The following SAMD4A variants were observed in gnomAD, a reference collection of about 807,000 sequenced individuals.
The protein encoded by SAMD4A is sterile alpha motif domain containing 4A.
In SAMD4A, 33 loss-of-function variants were observed where a neutral mutation model predicts 81.3. That is an observed-to-expected ratio of 0.41 (90% CI 0.31 to 0.54). The LOEUF (loss-of-function observed/expected upper bound fraction) is 0.54, where lower values mean the gene tolerates loss of function less well. SAMD4A is among the 20% of genes least tolerant of loss of function. The pLI is 0.37. For synonymous variants in SAMD4A, 389 were observed against 382.1 expected, an observed-to-expected ratio of 1.02 and a Z score of -0.21; for missense variants, 854 against 951.1, an observed-to-expected ratio of 0.90 and a Z score of 1.34.
rs1053271797 is a variant in SAMD4A at position 54,760,372 on chromosome 14, C to G, written c.1388C>G (p.Pro463Arg). The change falls in exon 7 of 13, where the codon CCC (proline) becomes CGC (arginine). Residue 463 changes from proline to arginine, a missense_variant. Physicochemically the swap from Pro to Arg is moderately radical, Grantham distance 103. Coordinates refer to ENST00000554335, the MANE Select transcript of SAMD4A (RefSeq NM_015589.6). Reference protein sequence around the residue: ...GAAATGATATPSAGASGGLQP... With the variant: ...GAAATGATATRSAGASGGLQP... The stretch of plus-strand genomic sequence containing the variant: ...GCAGCCACTGGCGCCACGGCCACCC[C>G]CTCGGCCGGGGCCAGCGGGGGGCTC... The G allele has an allele frequency of 6.4e-7, 1 of 1,555,208 alleles. No individual in the cohort carries two copies. Among genetic ancestry groups the G allele is most frequent in the Non-Finnish European group, 8.6e-7 (1 of 1,159,990 alleles).
intron 2 of SAMD4A, among the ~76,000 whole-genome samples, chr14:54,635,134 C>T (rs1313233725): frequency 6.6e-6 from 1 of 152,136 alleles, no homozygotes; most frequent in East Asian, 1.9e-4. Flanking sequence ...AATCTCAAAA[C>T]TTATCCAGCT....
chr14:54,580,375 GT>G (rs2033429444), intron 2 of SAMD4A, among the ~76,000 whole-genome samples: 1 of 152,196 alleles, frequency 6.6e-6, no homozygotes, highest in African/African-American at 2.4e-5. Context: ...ATAAAGCACA[GT>G]TTGTTTGGAT....
intron 2 of SAMD4A, among the ~76,000 whole-genome samples, chr14:54,581,930 C>T (rs1259399312): frequency 6.6e-6 from 1 of 152,124 alleles, no homozygotes; most frequent in East Asian, 1.9e-4. Flanking sequence ...ACTGAACAAG[C>T]GTTCGTTGGA....
chr14:54,741,433 TG>T (rs2037841044), intron 4 of SAMD4A, among the ~76,000 whole-genome samples: 1 of 152,152 alleles, frequency 6.6e-6, no homozygotes, highest in African/African-American at 2.4e-5. Flanking sequence ...CTGCATTATA[TG>T]GGAGGAAAGA....
At chr14:54,784,383 T>C (rs1377178734) in intron 11 of SAMD4A, 154 bp from the exon 12 acceptor site, 2 of 1,572,500 alleles carry the variant, frequency 1.3e-6, no homozygotes, top group East Asian at 2.3e-5. Flanking sequence ...ACCTTAGAGG[T>C]TGGTTGAGCC....
At chr14:54,666,527 A>C in intron 2 of SAMD4A, among the ~76,000 whole-genome samples, 1 of 152,164 alleles carries the variant, frequency 6.6e-6, no homozygotes, top group East Asian at 1.9e-4. Flanking sequence ...GGTTGAATAA[A>C]TCCGAGTATA....
chr14:54,742,884 GC>G (rs1566614787), intron 4 of SAMD4A, among the ~76,000 whole-genome samples: 1 of 152,224 alleles, frequency 6.6e-6, no homozygotes, highest in Non-Finnish European at 1.5e-5. Context: ...TATGTTGTTT[GC>G]CTTTTCTAAG....
intron 2 of SAMD4A, among the ~76,000 whole-genome samples, chr14:54,613,945 C>T (rs753950964): frequency 1.3e-5 from 2 of 152,226 alleles, no homozygotes; most frequent in Non-Finnish European, 2.9e-5. Flanking sequence ...TTCCATGTCG[C>T]AAGTAACCTT....
At chr14:54,712,324 G>GA (rs2037010326) in intron 3 of SAMD4A, among the ~76,000 whole-genome samples, 1 of 152,052 alleles carries the variant, frequency 6.6e-6, no homozygotes, top group African/African-American at 2.4e-5. Context: ...GCATGTAACT[G>GA]AAAAATTCCA....
At chr14:54,788,772 T>C (rs2039204687) in intron 12 of SAMD4A, 144 bp from the exon 13 acceptor site, 1 of 919,696 alleles carries the variant, frequency 1.1e-6, no homozygotes, top group Non-Finnish European at 1.7e-6. Context: ...TGGGTGGGTA[T>C]GTAAATGCGT....
intron 2 of SAMD4A, chr14:54,687,449 C>T (rs1402589573): frequency 4.8e-6 from 2 of 416,918 alleles, no homozygotes; most frequent in Non-Finnish European, 9.4e-6. Context: ...GAAATAAAAA[C>T]AAACAAAAAA....
At chr14:54,732,728 TG>T (rs1439962969) in intron 3 of SAMD4A, among the ~76,000 whole-genome samples, 1 of 152,198 alleles carries the variant, frequency 6.6e-6, no homozygotes, top group African/African-American at 2.4e-5. Flanking sequence ...CTTTTCTCCT[TG>T]ACAGTGAGGT....
chr14:54,790,672 T>TTGTGTGTGTGTG lies in SAMD4A; in HGVS notation c.*1753_*1764dup, dbSNP rs370482381. The stretch of plus-strand genomic sequence containing the variant: ...TTACATGGATGAGTCGGGTGCCTGG[T>TTGTGTGTGTGTG]TGTGTGTGTGTGTGTGTGTGTGTGT... On this transcript the variant is annotated 3_prime_UTR_variant, in exon 13 of 13. Transcript: ENST00000554335. 5.9e-4 allele frequency: 84 copies of TTGTGTGTGTGTG among 142,014 alleles called. 1 individual carries two copies. The highest frequency in any genetic ancestry group is 7.2e-3 in the Middle Eastern group (2 of 278). The allele number at this position is 142,014 out of a possible 1,614,324, so 8.8% of individuals were successfully genotyped here.
At position 54,702,345 on chromosome 14, in the gene SAMD4A, C is replaced by T. The variant is rs935820073; in HGVS notation, c.480C>T (p.Gly160=). ...ACCGCACGTCGACCAGCTTTGGTGGCCAGAACCGAGGCCGCTCAGACTCTG... is the reference window on the plus strand; with the variant it reads ...ACCGCACGTCGACCAGCTTTGGTGGTCAGAACCGAGGCCGCTCAGACTCTG... The part of the protein sequence containing the change: ...LEDRTSTSFG[G]QNRGRSDSVD... The change falls in exon 3 of 13, where the codon GGC becomes GGT. Residue 160 remains glycine, a synonymous_variant. Coordinates refer to ENST00000554335, the MANE Select transcript of SAMD4A (RefSeq NM_015589.6). 1.2e-6 allele frequency: 2 copies of T among 1,614,122 alleles called. No individual in the cohort carries two copies. The highest frequency in any genetic ancestry group is 1.7e-6 in the Non-Finnish European group (2 of 1,180,010).
At chr14:54,588,555 C>T (rs1298693017) in intron 2 of SAMD4A, among the ~76,000 whole-genome samples, 1 of 151,974 alleles carries the variant, frequency 6.6e-6, no homozygotes, top group East Asian at 1.9e-4. Context: ...AAAGATTGGG[C>T]CAATGAGTGC....
intron 2 of SAMD4A, among the ~76,000 whole-genome samples, chr14:54,672,285 C>T (rs1465437581): frequency 6.6e-6 from 1 of 151,922 alleles, no homozygotes; most frequent in African/African-American, 2.4e-5. Context: ...GCCTGTCAGC[C>T]ACTTAAATGC....
At chr14:54,672,046 G>GGT (rs1275555888) in intron 2 of SAMD4A, among the ~76,000 whole-genome samples, 2 of 142,500 alleles carry the variant, frequency 1.4e-5, no homozygotes, top group Admixed American at 7.1e-5. Context: ...TTTTCTTCAG[G>GGT]GTATAGTCAG....
At chr14:54,647,113 T>C (rs1386898798) in intron 2 of SAMD4A, among the ~76,000 whole-genome samples, 2 of 152,260 alleles carry the variant, frequency 1.3e-5, no homozygotes, top group African/African-American at 4.8e-5. Context: ...ACTTAACATT[T>C]GGGATACCTT....
At chr14:54,670,541 C>T (rs74049547) in intron 2 of SAMD4A, among the ~76,000 whole-genome samples, 2,273 of 152,268 alleles carry the variant, frequency 0.015, 52 homozygotes, top group African/African-American at 0.052. Flanking sequence ...CTTTTGACCT[C>T]GGCCAAATGA....
Sources: gnomAD v4.1 joint callset for allele counts (sites outside exome capture counted in the v4.1 genomes callset) on GRCh38, gnomAD v4.1.1 for gene constraint, MANE v1.5 for transcripts, NCBI Gene and HGNC (gene_info 2026-07-23, HGNC 2026-07-21) for gene names.